The following FNDC3B variants were observed in gnomAD, a reference collection of about 807,000 sequenced individuals.
The protein encoded by FNDC3B is fibronectin type III domain-containing protein 3B.
A neutral mutation model predicts 151.5 loss-of-function variants in FNDC3B; 12 were observed. The observed-to-expected ratio is 0.08, with a 90% CI of 0.05 to 0.13. FNDC3B has a LOEUF of 0.13. FNDC3B is among the 10% of genes least tolerant of loss of function. The pLI is 1.00. For synonymous variants in FNDC3B, 528 were observed against 549.0 expected (o/e 0.96, Z 0.54); for missense variants, 1,214 against 1,505.3 (o/e 0.81, Z 3.20).
At chr3:172,178,052 G>A (rs183494322) in intron 3 of FNDC3B, among the ~76,000 whole-genome samples, 186 of 152,238 alleles carry the variant, frequency 1.2e-3, no homozygotes, top group Non-Finnish European at 2.1e-3. Context: ...TGGCTGCATA[G>A]TATTCCATGG....
At chr3:172,084,472 T>A (rs58013509) in intron 1 of FNDC3B, among the ~76,000 whole-genome samples, 1 of 143,544 alleles carries the variant, frequency 7.0e-6, no homozygotes, top group Non-Finnish European at 1.5e-5. Context: ...TGTATATGTA[T>A]ACACACACAC....
Position 172,378,856 on chromosome 3 carries a change from G to A in FNDC3B, c.3175+420G>A, listed in dbSNP as rs1360088332. ...TTTCTCTTTTGGCGCACAGCTCTTG[G>A]TGTGGAGCACTGCCTTTGGAAAGCT... On this transcript the variant is annotated intron_variant, in intron 24 of 25. Coordinates refer to ENST00000415807, the MANE Select transcript of FNDC3B (RefSeq NM_022763.4). Among the ~76,000 whole-genome samples the A allele has an allele frequency of 2.0e-5, 3 of 152,256 alleles. No homozygotes were observed. In the East Asian group the frequency reaches 5.8e-4, roughly 29 times the overall value.
intron 22 of FNDC3B, among the ~76,000 whole-genome samples, chr3:172,362,333 A>G (rs1379769521): frequency 6.6e-6 from 1 of 152,166 alleles, no homozygotes; most frequent in Non-Finnish European, 1.5e-5. Flanking sequence ...GACAAAATAT[A>G]AAAGCGTATC....
At chr3:172,214,502 G>C (rs1406137937) in intron 3 of FNDC3B, among the ~76,000 whole-genome samples, 1 of 151,852 alleles carries the variant, frequency 6.6e-6, no homozygotes, top group Non-Finnish European at 1.5e-5. Flanking sequence ...CAGCCTTCTA[G>C]ATTGGCAAGA....
chr3:172,058,690 G>T (rs1157512526), intron 1 of FNDC3B, among the ~76,000 whole-genome samples: 1 of 152,150 alleles, frequency 6.6e-6, no homozygotes, highest in Admixed American at 6.5e-5. Context: ...AGGAGTATTA[G>T]TAGCCAATAC....
At chr3:172,122,292 T>C (rs112498351) in intron 2 of FNDC3B, among the ~76,000 whole-genome samples, 3 of 152,176 alleles carry the variant, frequency 2.0e-5, no homozygotes, top group African/African-American at 4.8e-5. Flanking sequence ...CTTTTTTTTT[T>C]TCTCTCTCCT....
intron 6 of FNDC3B, among the ~76,000 whole-genome samples, chr3:172,279,958 G>T (rs1369627636): frequency 6.6e-6 from 1 of 152,104 alleles, no homozygotes; most frequent in African/African-American, 2.4e-5. Flanking sequence ...CTGTTGCATA[G>T]GCTGGAGTGC....
intron 3 of FNDC3B, among the ~76,000 whole-genome samples, chr3:172,212,470 T>A (rs560298277): frequency 3.3e-5 from 5 of 152,320 alleles, no homozygotes; most frequent in Non-Finnish European, 5.9e-5. Flanking sequence ...CCTGAGGAAG[T>A]TGGGCTGCTT....
At chr3:172,236,563 A>G (rs1201270953) in intron 4 of FNDC3B, among the ~76,000 whole-genome samples, 2 of 152,240 alleles carry the variant, frequency 1.3e-5, no homozygotes, top group East Asian at 1.9e-4. Flanking sequence ...TGCTTTCAGC[A>G]TCAGTCCCCA....
rs1183825046 is a variant in FNDC3B at position 172,039,578 on chromosome 3, A to T, written c.-222A>T. ...CAAATCCCCATGTGGTCCCGACATCATTGACATGGCGGAATCCCCCATCAA... is the reference window on the plus strand; with the variant it reads ...CAAATCCCCATGTGGTCCCGACATCTTTGACATGGCGGAATCCCCCATCAA... On this transcript the variant is annotated 5_prime_UTR_variant, in exon 1 of 26. Transcript: ENST00000415807. 6.5e-6 allele frequency: 1 copy of T among 153,768 alleles called. No individual in the cohort carries two copies. The highest frequency in any genetic ancestry group is 2.4e-5 in the African/African-American group (1 of 41,432). 9.5% of individuals were successfully genotyped at this position (153,768 alleles called of 1,614,324 possible). A position where few individuals can be genotyped will look rare whatever the true frequency, so the allele number is the denominator to read the frequency against.
chr3:172,397,679 A>G lies in FNDC3B; in HGVS notation c.*204A>G. ...GGTTAAACTGGATTTTTTTTTTTAA[A>G]AAAAAGAAAAAAAAAGAAGAAAAGT... On this transcript the variant is annotated 3_prime_UTR_variant, in exon 26 of 26. Coordinates refer to ENST00000415807, the MANE Select transcript of FNDC3B (RefSeq NM_022763.4). 4.1e-6 allele frequency: 1 copy of G among 241,540 alleles called. No individual in the cohort carries two copies. The highest frequency in any genetic ancestry group is 6.6e-6 in the Non-Finnish European group (1 of 150,918). The allele number at this position is 241,540 out of a possible 1,614,324, so 15.0% of individuals were successfully genotyped here. A position where few individuals can be genotyped will look rare whatever the true frequency, so the allele number is the denominator to read the frequency against.
intron 3 of FNDC3B, among the ~76,000 whole-genome samples, chr3:172,181,024 C>CT (rs1723862618): frequency 6.6e-6 from 1 of 152,098 alleles, no homozygotes; most frequent in Admixed American, 6.5e-5. Context: ...TTAATAATCT[C>CT]TAACTGATTT....
chr3:172,380,303 C>T (rs1228995853), intron 24 of FNDC3B, among the ~76,000 whole-genome samples: 1 of 151,770 alleles, frequency 6.6e-6, no homozygotes, highest in African/African-American at 2.4e-5. Context: ...ATTTTAAGTG[C>T]CTTACTGCAG....
At chr3:172,176,768 G>A (rs1003298074) in intron 3 of FNDC3B, among the ~76,000 whole-genome samples, 1 of 152,170 alleles carries the variant, frequency 6.6e-6, no homozygotes, top group African/African-American at 2.4e-5. Context: ...ATTATTCTGT[G>A]ATATTTGTTG....
chr3:172,209,412 G>A (rs562430249), intron 3 of FNDC3B, among the ~76,000 whole-genome samples: 1 of 152,314 alleles, frequency 6.6e-6, no homozygotes, highest in African/African-American at 2.4e-5. Context: ...ACGGGCAACT[G>A]GAGGGTGAGC....
At chr3:172,135,323 C>T (rs576849251) in intron 3 of FNDC3B, among the ~76,000 whole-genome samples, 2 of 151,758 alleles carry the variant, frequency 1.3e-5, no homozygotes, top group South Asian at 2.1e-4. Flanking sequence ...CTGAGTTGGC[C>T]GCTCCCCCAC....
chr3:172,321,899 T>C (rs2108272016), intron 11 of FNDC3B, among the ~76,000 whole-genome samples: 1 of 152,272 alleles, frequency 6.6e-6, no homozygotes, highest in African/African-American at 2.4e-5. Flanking sequence ...CAGCCAGACA[T>C]TTATTTTGTA....
intron 3 of FNDC3B, among the ~76,000 whole-genome samples, chr3:172,178,454 C>T (rs927716539): frequency 6.6e-6 from 1 of 152,034 alleles, no homozygotes; most frequent in African/African-American, 2.4e-5. Flanking sequence ...ACATGTTTTA[C>T]TTAACATTGC....
At chr3:172,129,485 A>G (rs1720963411) in intron 2 of FNDC3B, among the ~76,000 whole-genome samples, 2 of 152,248 alleles carry the variant, frequency 1.3e-5, no homozygotes, top group Non-Finnish European at 2.9e-5. Context: ...GTTTAGATTT[A>G]TACCTGTAAA....
Sources: allele counts gnomAD v4.1 joint callset (sites outside exome capture counted in the v4.1 genomes callset), GRCh38; gene constraint gnomAD v4.1.1; transcripts MANE v1.5; gene names NCBI Gene and HGNC (gene_info 2026-07-23, HGNC 2026-07-21).